Variants in MDFIC2 observed in about 807,000 individuals in gnomAD.
The protein encoded by MDFIC2 is MyoD family inhibitor domain containing 2.
chr3:70,234,277 A>G (rs1380319805), intron 2 of MDFIC2, among the ~76,000 whole-genome samples: 1 of 152,154 alleles, frequency 6.6e-6, no homozygotes, highest in African/African-American at 2.4e-5. Flanking sequence ...TATTTAGTCA[A>G]CTCATGTTTA....
Position 70,209,152 on chromosome 3 carries a change from A to G in MDFIC2, c.89-2362T>C, listed in dbSNP as rs370682365. Among the ~76,000 whole-genome samples, 10 of 152,206 alleles carry G rather than the reference A, an allele frequency of 6.6e-5. No homozygotes were observed. In the East Asian group the frequency reaches 1.9e-3, roughly 30 times the overall value. ...CAGCTAATATTGCAGATAGATGGAC[A>G]TTCAAATGATGTCTTAGAACACTAA... On this transcript the variant is annotated intron_variant, in intron 2 of 3. Transcript: ENST00000567252.
chr3:70,230,974 T>G (rs1374682102), intron 2 of MDFIC2, among the ~76,000 whole-genome samples: 1 of 152,230 alleles, frequency 6.6e-6, no homozygotes, highest in African/African-American at 2.4e-5. Context: ...AGTGATTCCC[T>G]GCTCCAGGAT....
intron 2 of MDFIC2, among the ~76,000 whole-genome samples, chr3:70,303,338 C>G (rs2030526): frequency 2.6e-5 from 4 of 151,798 alleles, no homozygotes; most frequent in Non-Finnish European, 4.4e-5. Context: ...ACCCAGGAGT[C>G]AGACTCATGG....
At chr3:70,275,114 A>G (rs570555592) in intron 2 of MDFIC2, among the ~76,000 whole-genome samples, 68 of 152,332 alleles carry the variant, frequency 4.5e-4, no homozygotes, top group African/African-American at 1.5e-3. Flanking sequence ...TGTGGTCATC[A>G]TTCTCACTGA....
At chr3:70,303,924 C>G (rs893319320) in intron 2 of MDFIC2, among the ~76,000 whole-genome samples, 1 of 152,152 alleles carries the variant, frequency 6.6e-6, no homozygotes, top group Non-Finnish European at 1.5e-5. Context: ...CTCAAGTGAT[C>G]CATCCTCCTC....
At chr3:70,235,457 A>C (rs912069909) in intron 2 of MDFIC2, among the ~76,000 whole-genome samples, 1 of 152,214 alleles carries the variant, frequency 6.6e-6, no homozygotes, top group South Asian at 2.1e-4. Flanking sequence ...GTGATAATAC[A>C]TGCTAGGTGC....
chr3:70,246,586 G>T (rs1701709942), intron 2 of MDFIC2, among the ~76,000 whole-genome samples: 1 of 152,010 alleles, frequency 6.6e-6, no homozygotes, highest in Non-Finnish European at 1.5e-5. Context: ...GTATAAGGAT[G>T]TTCCATGAAA....
chr3:70,227,899 A>C (rs1331857552), intron 2 of MDFIC2, among the ~76,000 whole-genome samples: 4 of 152,282 alleles, frequency 2.6e-5, no homozygotes, highest in Non-Finnish European at 5.9e-5. Flanking sequence ...AAAGAGCATG[A>C]GCTTTTAACT....
intron 3 of MDFIC2, among the ~76,000 whole-genome samples, chr3:70,199,892 C>T (rs1019335092): frequency 6.6e-6 from 1 of 152,150 alleles, no homozygotes; most frequent in Non-Finnish European, 1.5e-5. Flanking sequence ...TCTTCTGCAA[C>T]GTCTTCAAAA....
intron 2 of MDFIC2, among the ~76,000 whole-genome samples, chr3:70,295,410 A>G (rs1702279987): frequency 2.0e-5 from 3 of 152,178 alleles, no homozygotes. Flanking sequence ...AGGCTTACAT[A>G]CCATAATGAA....
intron 2 of MDFIC2, among the ~76,000 whole-genome samples, chr3:70,294,228 A>G (rs768452725): frequency 1.2e-4 from 18 of 152,192 alleles, no homozygotes; most frequent in Non-Finnish European, 2.2e-4. Context: ...TAGAATAAAA[A>G]TTACATTAAA....
chr3:70,276,670 A>T (rs1702029866), intron 2 of MDFIC2, among the ~76,000 whole-genome samples: 1 of 152,232 alleles, frequency 6.6e-6, no homozygotes, highest in East Asian at 1.9e-4. Context: ...TGGTCTACAT[A>T]TGGCCTACTG....
chr3:70,282,772 C>A (rs1189283269), intron 2 of MDFIC2, among the ~76,000 whole-genome samples: 2 of 152,126 alleles, frequency 1.3e-5, no homozygotes, highest in African/African-American at 4.8e-5. Context: ...CTTATTGCCT[C>A]CTATTCCTGA....
chr3:70,287,684 G>T (rs57485506), intron 2 of MDFIC2, among the ~76,000 whole-genome samples: 1 of 151,692 alleles, frequency 6.6e-6, no homozygotes, highest in Non-Finnish European at 1.5e-5. Flanking sequence ...AATCCGTCTG[G>T]TCCTGGACTC....
chr3:70,304,869 G>A (rs1365248714), intron 2 of MDFIC2, among the ~76,000 whole-genome samples: 2 of 151,974 alleles, frequency 1.3e-5, no homozygotes, highest in Admixed American at 6.6e-5. Context: ...TCCAATTTAA[G>A]CACCTTCTTT....
At chr3:70,254,822 A>G (rs1701799960) in intron 2 of MDFIC2, among the ~76,000 whole-genome samples, 1 of 152,352 alleles carries the variant, frequency 6.6e-6, no homozygotes, top group Middle Eastern at 3.4e-3. Flanking sequence ...AGATTTATGC[A>G]TACATGTCTT....
chr3:70,203,658 A>C lies in MDFIC2; in HGVS notation c.310+2911T>G, dbSNP rs1701264655. Among the ~76,000 whole-genome samples the C allele has an allele frequency of 2.0e-5, 3 of 152,178 alleles. No individual in the cohort carries two copies. The South Asian group carries it at 6.2e-4, about 32-fold the overall frequency. ...TAATTGTATGAAATTTACAGTGTAG[A>C]AAATGTAATCATTTTATTCAGTAGT... On this transcript the variant is annotated intron_variant, in intron 3 of 3. Coordinates refer to ENST00000567252, the MANE Select transcript of MDFIC2 (RefSeq NM_001364677.1).
At position 70,237,372 on chromosome 3, in the gene MDFIC2, C is replaced by A. The variant is rs183644771; in HGVS notation, c.89-30582G>T. On this transcript the variant is annotated intron_variant, in intron 2 of 3. Coordinates refer to ENST00000567252, the MANE Select transcript of MDFIC2 (RefSeq NM_001364677.1). ...TTCCCATCCCTCTCATATGTGTGAT[C>A]TTTTAACCAAATAAAAAAGCCCATT... 1.2e-3 allele frequency among the ~76,000 whole-genome samples: 179 copies of A among 152,284 alleles called. 1 individual carries two copies. The highest frequency in any genetic ancestry group is 4.1e-3 in the African/African-American group (171 of 41,554).
chr3:70,220,655 G>T (rs976546315), intron 2 of MDFIC2, among the ~76,000 whole-genome samples: 15 of 152,090 alleles, frequency 9.9e-5, no homozygotes, highest in Non-Finnish European at 2.2e-4. Flanking sequence ...TGGCATCTGG[G>T]TATCATGTAT....
Sources: allele counts gnomAD v4.1 joint callset (sites outside exome capture counted in the v4.1 genomes callset), GRCh38; gene constraint gnomAD v4.1.1; transcripts MANE v1.5; gene names NCBI Gene and HGNC (gene_info 2026-07-23, HGNC 2026-07-21).